Variants in ADGRV1 observed in about 807,000 individuals in gnomAD.
ADGRV1 encodes G-protein coupled receptor 98.
ADGRV1 carries 359 observed loss-of-function variants against 596.2 expected under a neutral mutation model. That is an observed-to-expected ratio of 0.60 (90% CI 0.55 to 0.66). ADGRV1 has a LOEUF of 0.66. ADGRV1 is among the 30% of genes least tolerant of loss of function. The probability of loss-of-function intolerance (pLI) is 0.00; values close to 1 mark genes in which losing one functional copy is unlikely to be tolerated. For missense variants in ADGRV1, 7,274 were observed against 7,575.6 expected (o/e 0.96, Z 1.48); for synonymous variants, 2,681 against 2,679.2 (o/e 1.00, Z -0.02).
In ADGRV1 at chr5:90,813,132, CAAAAAAAAAAAAAAAAAAA is replaced by C. The variant is rs5869522; in HGVS notation, c.16078+1808_16078+1826del. Among the ~76,000 whole-genome samples the C allele has an allele frequency of 8.6e-5, 3 of 34,922 alleles. 1 individual carries two copies. Among genetic ancestry groups the C allele is most frequent in the African/African-American group, 2.5e-4 (3 of 12,002 alleles). The allele number at this position is 34,922 out of a possible 152,430, so 22.9% of individuals were successfully genotyped here. ...TGGGCGACAGAGTAAGACTCCGTCT[CAAAAAAAAAAAAAAAAAAA>C]AAAAAAAAAAAAATTTATTTGGCAG... is the stretch of plus-strand genomic sequence containing the variant. On this transcript the variant is annotated intron_variant, in intron 74 of 89. Transcript: ENST00000405460.
At chr5:90,604,022 C>T (rs1761768132) in intron 1 of ADGRV1, among the ~76,000 whole-genome samples, 1 of 151,394 alleles carries the variant, frequency 6.6e-6, no homozygotes. Flanking sequence ...TCTGAGGAGA[C>T]ATTAGGAGGG....
At chr5:91,103,294 A>G (rs763252819) in intron 87 of ADGRV1, among the ~76,000 whole-genome samples, 1 of 152,136 alleles carries the variant, frequency 6.6e-6, no homozygotes, top group Non-Finnish European at 1.5e-5. Context: ...AAGTTTCTAT[A>G]TAGACAACTG....
intron 87 of ADGRV1, 116 bp from the exon 88 acceptor site, chr5:91,149,914 A>T (rs904539432): frequency 5.8e-6 from 4 of 695,250 alleles, no homozygotes; most frequent in Non-Finnish European, 6.7e-6. Flanking sequence ...TCATAGCAGC[A>T]TGAGAATGGA....
chr5:90,673,575 G>A (rs1332375967), intron 22 of ADGRV1, among the ~76,000 whole-genome samples: 1 of 151,952 alleles, frequency 6.6e-6, no homozygotes, highest in Non-Finnish European at 1.5e-5. Flanking sequence ...CTGAGAGCAG[G>A]GTGCCTGTAG....
At position 91,102,103 on chromosome 5, in the gene ADGRV1, G is replaced by A. The variant is rs891467829; in HGVS notation, c.18311-116G>A. 5.1e-5 allele frequency: 46 copies of A among 907,108 alleles called. No individual in the cohort carries two copies. In the Admixed American group the frequency reaches 9.8e-4, roughly 19 times the overall value. 56.2% of individuals were successfully genotyped at this position (907,108 alleles called of 1,614,324 possible). On this transcript the variant is annotated intron_variant, in intron 86 of 89. Coordinates refer to ENST00000405460, the MANE Select transcript of ADGRV1 (RefSeq NM_032119.4). ...TCTGGCATAAGAATGGGATTTCCAA[G>A]GTTGTTCTCTCAAAATGGGCACTAG...
intron 77 of ADGRV1, among the ~76,000 whole-genome samples, chr5:90,836,722 G>A (rs999787685): frequency 2.0e-5 from 3 of 152,142 alleles, no homozygotes; most frequent in Non-Finnish European, 2.9e-5. Flanking sequence ...ACTAATGAAG[G>A]AGTTTGGGTA....
At chr5:90,638,465 TAATA>T (rs1193059233) in intron 11 of ADGRV1, among the ~76,000 whole-genome samples, 4 of 151,930 alleles carry the variant, frequency 2.6e-5, no homozygotes, top group South Asian at 2.1e-4. Flanking sequence ...ACTTTTTCAG[TAATA>T]AATAATAAGA....
At chr5:90,778,402 T>TA in intron 62 of ADGRV1, 25 bp from the exon 63 acceptor site, 1 of 1,602,922 alleles carries the variant, frequency 6.2e-7, no homozygotes, top group Non-Finnish European at 8.5e-7. Flanking sequence ...GATTCTACTG[T>TA]TGATGACTCT....
chr5:91,124,097 C>T (rs569727626), intron 87 of ADGRV1, among the ~76,000 whole-genome samples: 194 of 152,172 alleles, frequency 1.3e-3, no homozygotes, highest in African/African-American at 4.5e-3. Flanking sequence ...TCTCAGTGTC[C>T]GTCTTCAGTT....
intron 87 of ADGRV1, among the ~76,000 whole-genome samples, chr5:91,123,935 A>G (rs1793538693): frequency 6.6e-6 from 1 of 152,130 alleles, no homozygotes; most frequent in Non-Finnish European, 1.5e-5. Flanking sequence ...ACATGACTAG[A>G]TTATGTAGCA....
At chr5:90,612,291 T>C (rs1239201349) in intron 1 of ADGRV1, among the ~76,000 whole-genome samples, 2 of 152,078 alleles carry the variant, frequency 1.3e-5, no homozygotes, top group African/African-American at 4.8e-5. Flanking sequence ...AGTAATAAAG[T>C]GAAACTTTTA....
intron 84 of ADGRV1, among the ~76,000 whole-genome samples, chr5:90,980,418 G>A (rs1277244550): frequency 6.6e-6 from 1 of 152,066 alleles, no homozygotes; most frequent in African/African-American, 2.4e-5. Flanking sequence ...CTTTGTATTC[G>A]GAGTGTGTAT....
chr5:90,802,734 TATAGGTCTTC>T lies in ADGRV1; in HGVS notation c.14518-4_14523del, dbSNP rs1246127045. ...TTCTAAATCACTGACACTGTTTGTT[TATAGGTCTTC>T]CTATCACTGGGCTCTAATTTCACTT... On this transcript the variant is annotated splice_acceptor_variant and splice_polypyrimidine_tract_variant and coding_sequence_variant and intron_variant, in exon 71 of 90. Transcript: ENST00000405460. LOFTEE classifies it high-confidence loss of function. 1 of 1,609,362 alleles carries T rather than the reference TATAGGTCTTC, an allele frequency of 6.2e-7. No individual in the cohort carries two copies. Among genetic ancestry groups the T allele is most frequent in the Non-Finnish European group, 8.5e-7 (1 of 1,177,380 alleles).
intron 87 of ADGRV1, among the ~76,000 whole-genome samples, chr5:91,128,972 A>G (rs1261074708): frequency 6.6e-6 from 1 of 152,232 alleles, no homozygotes; most frequent in Non-Finnish European, 1.5e-5. Context: ...GTAAATGAGG[A>G]AAAATGGTAA....
intron 85 of ADGRV1, among the ~76,000 whole-genome samples, chr5:91,067,242 C>T (rs1254259146): frequency 1.4e-5 from 2 of 143,812 alleles, no homozygotes; most frequent in South Asian, 2.2e-4. Context: ...CCTCTGGGTT[C>T]GTGTGATTCT....
intron 23 of ADGRV1, 113 bp downstream of exon 23, chr5:90,674,347 T>C (rs1324542302): frequency 9.9e-6 from 6 of 606,150 alleles, no homozygotes; most frequent in African/African-American, 7.5e-5. Context: ...CCTTCAGACC[T>C]CCTAATTTCT....
rs985554975 is a variant in ADGRV1 at position 90,799,941 on chromosome 5, A to G, written c.14518-2798A>G. Among the ~76,000 whole-genome samples the G allele has an allele frequency of 5.9e-5, 9 of 152,226 alleles. No homozygotes were observed. The East Asian group carries it at 7.7e-4, about 13-fold the overall frequency. ...CAAAAATTAACTCAAGATGGATTAA[A>G]GACTTAAAAGTAAGACCCAAAACCA... On this transcript the variant is annotated intron_variant, in intron 70 of 89. Coordinates refer to ENST00000405460, the MANE Select transcript of ADGRV1 (RefSeq NM_032119.4).
chr5:90,800,091 A>G (rs1005403877), intron 70 of ADGRV1, among the ~76,000 whole-genome samples: 1 of 152,242 alleles, frequency 6.6e-6, no homozygotes, highest in Non-Finnish European at 1.5e-5. Context: ...ATCTAATTAA[A>G]CTAAAGAGCT....
intron 83 of ADGRV1, among the ~76,000 whole-genome samples, chr5:90,910,535 GTT>G (rs1193158688): frequency 6.7e-5 from 10 of 149,798 alleles, no homozygotes; most frequent in African/African-American, 2.5e-4. Context: ...TCTATGTTTA[GTT>G]TTATATATAT....
Sources: allele counts gnomAD v4.1 joint callset (sites outside exome capture counted in the v4.1 genomes callset), GRCh38; gene constraint gnomAD v4.1.1; transcripts MANE v1.5; gene names NCBI Gene and HGNC (gene_info 2026-07-23, HGNC 2026-07-21).